Variants in IKBKE observed in about 807,000 individuals in gnomAD.
The protein encoded by IKBKE is inhibitor of nuclear factor kappa-B kinase subunit epsilon.
Under a neutral mutation model 92.1 loss-of-function variants are expected in IKBKE, and 45 were observed. The observed-to-expected ratio is 0.49, with a 90% CI of 0.38 to 0.63. The LOEUF (loss-of-function observed/expected upper bound fraction) is 0.63, where lower values mean the gene tolerates loss of function less well. Ranked by LOEUF, IKBKE falls within the 20% of genes least tolerant of loss-of-function variation. IKBKE has a pLI of 0.00. For missense variants in IKBKE, 700 were observed against 932.8 expected, an observed-to-expected ratio of 0.75 and a Z score of 3.25; for synonymous variants, 374 against 380.3, an observed-to-expected ratio of 0.98 and a Z score of 0.19.
chr1:206,483,584 G>A (rs901789648), intron 13 of IKBKE, among the ~76,000 whole-genome samples: 1 of 152,104 alleles, frequency 6.6e-6, no homozygotes, highest in East Asian at 1.9e-4. Flanking sequence ...CCATTCCCAA[G>A]CCAAAATACA....
intron 3 of IKBKE, among the ~76,000 whole-genome samples, chr1:206,473,957 T>C (rs1294914135): frequency 1.3e-5 from 1 of 78,222 alleles, no homozygotes; most frequent in Non-Finnish European, 2.3e-5. Flanking sequence ...CGAGGCTCCG[T>C]CTCAAAAAAA....
rs781811792 is a variant in IKBKE at position 206,490,004 on chromosome 1, A to AC, written c.1694-813dup. On this transcript the variant is annotated intron_variant, in intron 16 of 21. Transcript: ENST00000581977. This position sits in a 1 kb window ranked among gnomAD's most constrained non-coding sequence, Gnocchi z 5.2. ...GAGCCTCACGGGACTCCCAAGTGGC[A>AC]CCTGTGATGGATAAGGAGACAGGCT... Among the ~76,000 whole-genome samples the AC allele has an allele frequency of 7.9e-5, 12 of 152,168 alleles. No individual in the cohort carries two copies. Among genetic ancestry groups the AC allele is most frequent in the Non-Finnish European group, 1.6e-4 (11 of 68,018 alleles).
chr1:206,473,186 C>G lies in IKBKE; in HGVS notation c.-32-10C>G. The G allele has an allele frequency of 6.5e-7, 1 of 1,531,788 alleles. No homozygotes were observed. Among genetic ancestry groups the G allele is most frequent in the Non-Finnish European group, 9.0e-7 (1 of 1,114,556 alleles). 94.9% of individuals were successfully genotyped at this position (1,531,788 alleles called of 1,614,324 possible). ...TGGAATCCTGGGCCCCCAGCATGCT[C>G]TTTCTCTAGGCAGAAGGTGACCAGC... On this transcript the variant is annotated splice_polypyrimidine_tract_variant and intron_variant, in intron 2 of 21. Coordinates refer to ENST00000581977, the MANE Select transcript of IKBKE (RefSeq NM_014002.4).
rs782410285 is a variant in IKBKE, at chr1:206,479,138, G to A, written c.1183+5G>A. The A allele has an allele frequency of 8.2e-6, 13 of 1,584,244 alleles. No individual in the cohort carries two copies. The highest frequency in any genetic ancestry group is 1.1e-5 in the Non-Finnish European group (13 of 1,165,036). Reference sequence around the variant, plus strand: ...AGGGGCTGGCCTTCAGGGACCGTGAGTAGAGCCACCTGGGCTGGATCTTTC... The same window carrying A: ...AGGGGCTGGCCTTCAGGGACCGTGAATAGAGCCACCTGGGCTGGATCTTTC... On this transcript the variant is annotated splice_donor_5th_base_variant and intron_variant, in intron 10 of 21. Coordinates refer to ENST00000581977, the MANE Select transcript of IKBKE (RefSeq NM_014002.4).
intron 18 of IKBKE, chr1:206,492,675 C>T: frequency 2.0e-6 from 1 of 510,092 alleles, no homozygotes; most frequent in Non-Finnish European, 4.0e-6. Context: ...GGGCAGTTCC[C>T]CACACTGAGA....
At chr1:206,494,904 A>T (rs1260499272) in intron 21 of IKBKE, among the ~76,000 whole-genome samples, 3 of 151,108 alleles carry the variant, frequency 2.0e-5, no homozygotes, top group Admixed American at 6.6e-5. Context: ...GCGCCCGGCT[A>T]CGTACCAGTA....
At chr1:206,489,695 G>A (rs1553389787) in intron 16 of IKBKE, among the ~76,000 whole-genome samples, 1 of 152,022 alleles carries the variant, frequency 6.6e-6, no homozygotes, top group Admixed American at 6.5e-5. Flanking sequence ...CAGGGCAAGA[G>A]CGAGACCCTG....
rs960891882 is a variant in IKBKE at position 206,490,102 on chromosome 1, C to T, written c.1694-717C>T. Reference sequence around the variant, plus strand: ...GGGCTGAGGTTTGTCCCAGGTCTCTCGGACTGCACACATGCTCTTAGCTGG... The same window carrying T: ...GGGCTGAGGTTTGTCCCAGGTCTCTTGGACTGCACACATGCTCTTAGCTGG... On this transcript the variant is annotated intron_variant, in intron 16 of 21. Transcript: ENST00000581977. This position sits in a 1 kb window ranked among gnomAD's most constrained non-coding sequence, Gnocchi z 5.2. Among the ~76,000 whole-genome samples the T allele has an allele frequency of 6.6e-6, 1 of 152,290 alleles. No homozygotes were observed. The highest frequency in any genetic ancestry group is 2.1e-4 in the South Asian group (1 of 4,826).
At position 206,493,136 on chromosome 1, in the gene IKBKE, G is replaced by T; in HGVS notation, c.1932+17G>T. 6.3e-7 allele frequency: 1 copy of T among 1,581,920 alleles called. No homozygotes were observed. Among genetic ancestry groups the T allele is most frequent in the Non-Finnish European group, 8.6e-7 (1 of 1,163,550 alleles). On this transcript the variant is annotated intron_variant, in intron 19 of 21. Transcript: ENST00000581977. ...CTCAGCAAGGTGGGCATGGCAGAAG[G>T]ATTCTAGGTGCTCTGGGGATGCAGG...
intron 18 of IKBKE, 67 bp downstream of exon 18, chr1:206,491,816 C>A: frequency 8.4e-7 from 1 of 1,192,612 alleles, no homozygotes; most frequent in Non-Finnish European, 1.2e-6. Context: ...TCAGAGGACC[C>A]AGGGCTTTGT....
At chr1:206,481,310 A>C (rs1665374244) in intron 13 of IKBKE, among the ~76,000 whole-genome samples, 1 of 152,162 alleles carries the variant, frequency 6.6e-6, no homozygotes, top group African/African-American at 2.4e-5. Context: ...CATATGCCTG[A>C]AGGCCCCCTC....
chr1:206,496,452 C>G lies in IKBKE; in HGVS notation c.*307C>G, dbSNP rs545284753. On this transcript the variant is annotated 3_prime_UTR_variant, in exon 22 of 22. Transcript: ENST00000581977. ...TGCTCCTCCATGCCCATGGCTGGGC[C>G]GTGGGGAGAAGAAGCTCTCATACGC... is the stretch of plus-strand genomic sequence containing the variant. 4.8e-6 allele frequency: 2 copies of G among 413,940 alleles called. No homozygotes were observed. Among genetic ancestry groups the G allele is most frequent in the African/African-American group, 2.0e-5 (1 of 50,394 alleles). The allele number at this position is 413,940 out of a possible 1,614,324, so 25.6% of individuals were successfully genotyped here.
chr1:206,475,130 A>G lies in IKBKE; in HGVS notation c.358+136A>G, dbSNP rs1353862771. The G allele has an allele frequency of 1.5e-5, 14 of 912,410 alleles. 1 individual carries two copies. In the Admixed American group the frequency reaches 2.8e-4, roughly 18 times the overall value. 56.5% of individuals were successfully genotyped at this position (912,410 alleles called of 1,614,324 possible). Reference sequence around the variant, plus strand: ...AACTTAAAAATTAAACCTAAAAAAGATTGTACACCAATGTTCACAGCAGCA... The same window carrying G: ...AACTTAAAAATTAAACCTAAAAAAGGTTGTACACCAATGTTCACAGCAGCA... On this transcript the variant is annotated intron_variant, in intron 5 of 21. Transcript: ENST00000581977.
chr1:206,480,895 A>G (rs1032543708), intron 13 of IKBKE, among the ~76,000 whole-genome samples: 8 of 152,192 alleles, frequency 5.3e-5, no homozygotes, highest in South Asian at 2.1e-4. Context: ...GGGGGAGGAC[A>G]CACACCCACG....
rs1665069191 is a variant in IKBKE, at chr1:206,476,470, G to A, written c.540+108G>A. Reference sequence around the variant, plus strand: ...TGTGGCCCACCTCCTGCTTCCACAGGAGTTATGTCTCTCCCCTGTACCCCA... The same window carrying A: ...TGTGGCCCACCTCCTGCTTCCACAGAAGTTATGTCTCTCCCCTGTACCCCA... On this transcript the variant is annotated intron_variant, in intron 6 of 21. Coordinates refer to ENST00000581977, the MANE Select transcript of IKBKE (RefSeq NM_014002.4). The surrounding 1 kb of genome is among the most constrained non-coding windows in gnomAD (Gnocchi z 5.1). The A allele has an allele frequency of 8.0e-7, 1 of 1,245,844 alleles. No homozygotes were observed. The highest frequency in any genetic ancestry group is 2.0e-5 in the Admixed American group (1 of 49,822). 77.2% of individuals were successfully genotyped at this position (1,245,844 alleles called of 1,614,324 possible). A position where few individuals can be genotyped will look rare whatever the true frequency, so the allele number is the denominator to read the frequency against.
rs574632887 is a variant in IKBKE at position 206,492,491 on chromosome 1, G to T, written c.1836-532G>T. 3.6e-5 allele frequency: 17 copies of T among 471,340 alleles called. No homozygotes were observed. The East Asian group carries it at 8.3e-4, about 23-fold the overall frequency. The allele number at this position is 471,340 out of a possible 1,614,324, so 29.2% of individuals were successfully genotyped here. A position where few individuals can be genotyped will look rare whatever the true frequency, so the allele number is the denominator to read the frequency against. On this transcript the variant is annotated intron_variant, in intron 18 of 21. Transcript: ENST00000581977. ...ACCCACCACACATTCTGGTGTAATT[G>T]CTCTGGAGCAGGGCTTGGATGTCAG...
At position 206,478,368 on chromosome 1, in the gene IKBKE, G is replaced by A. The variant is rs1553386079; in HGVS notation, c.992+29G>A. 1.2e-6 allele frequency: 2 copies of A among 1,604,100 alleles called. No individual in the cohort carries two copies. Among genetic ancestry groups the A allele is most frequent in the Middle Eastern group, 1.7e-4 (1 of 6,054 alleles). On this transcript the variant is annotated intron_variant, in intron 9 of 21. Transcript: ENST00000581977. This position sits in a 1 kb window ranked among gnomAD's most constrained non-coding sequence, Gnocchi z 4.8. ...AGTGGGGGCGAGGGAGGGAAGCGGT[G>A]AGAACCTTCTCTACCCAAGCAGCAG...
chr1:206,491,661 C>A lies in IKBKE; in HGVS notation c.1747C>A (p.His583Asn). 6.2e-7 allele frequency: 1 copy of A among 1,612,944 alleles called. No homozygotes were observed. Among genetic ancestry groups the A allele is most frequent in the South Asian group, 1.1e-5 (1 of 90,960 alleles). The change falls in exon 18 of 22, where the codon CAT becomes AAT. Residue 583 changes from histidine to asparagine, a missense_variant. Physicochemically the swap from His to Asn is moderately conservative, Grantham distance 68. Transcript: ENST00000581977. Reference sequence around the variant, plus strand: ...CTGTCGTTCTAGGGTGAATTTCAGTCATTTAGCCAAAAGACTCCTGCAGGT... The same window carrying A: ...CTGTCGTTCTAGGGTGAATTTCAGTAATTTAGCCAAAAGACTCCTGCAGGT... ...IHKLDKVNFS[H>N]LAKRLLQVFQ...
rs2103477258 is a variant in IKBKE at position 206,487,931 on chromosome 1, G to A, written c.1634G>A (p.Cys545Tyr). 6.2e-7 allele frequency: 1 copy of A among 1,613,764 alleles called. No individual in the cohort carries two copies. The highest frequency in any genetic ancestry group is 1.3e-5 in the African/African-American group (1 of 75,064). The change falls in exon 16 of 22, where the codon TGC (cysteine) becomes TAC (tyrosine). Residue 545 changes from cysteine to tyrosine, a missense_variant. Coordinates refer to ENST00000581977, the MANE Select transcript of IKBKE (RefSeq NM_014002.4). The surrounding 1 kb of genome is among the most constrained non-coding windows in gnomAD (Gnocchi z 5.3). ...HEDRSIQQIQ[C>Y]CLDKMNFIYK... ...GCCCACAGCATCCAGCAGATTCAGT[G>A]CTGTTTGGACAAGATGAACTTCATC...
Sources: allele counts gnomAD v4.1 joint callset (sites outside exome capture counted in the v4.1 genomes callset), GRCh38; gene constraint gnomAD v4.1.1; non-coding constraint Gnocchi (gnomAD v3.1); transcripts MANE v1.5; gene names NCBI Gene and HGNC (gene_info 2026-07-23, HGNC 2026-07-21).